The following EXOC4 variants were observed in gnomAD, a reference collection of about 807,000 sequenced individuals.
EXOC4 encodes the protein SEC8-like 1.
EXOC4 carries 71 observed loss-of-function variants against 107.2 expected under a neutral mutation model. That is an observed-to-expected ratio of 0.66 (90% confidence interval 0.55 to 0.81). The LOEUF (loss-of-function observed/expected upper bound fraction) is 0.81, where lower values mean the gene tolerates loss of function less well. Among genes scored for constraint, EXOC4 ranks in the 30% least tolerant of loss-of-function variants. The pLI is 0.00. For missense variants in EXOC4, 1,108 were observed against 1,189.6 expected, an observed-to-expected ratio of 0.93 and a Z score of 1.01; for synonymous variants, 456 against 441.2, an observed-to-expected ratio of 1.03 and a Z score of -0.42.
At chr7:133,350,911 A>G (rs1410226073) in intron 5 of EXOC4, among the ~76,000 whole-genome samples, 2 of 152,000 alleles carry the variant, frequency 1.3e-5, no homozygotes, top group Admixed American at 6.6e-5. Context: ...TATATAGCTT[A>G]TATATATTAT....
intron 9 of EXOC4, among the ~76,000 whole-genome samples, chr7:133,616,283 C>T (rs1802193023): frequency 6.6e-6 from 1 of 151,494 alleles, no homozygotes. Context: ...TTTTTTATAC[C>T]CTTTTTATAC....
chr7:133,504,383 T>C (rs190139787), intron 9 of EXOC4, among the ~76,000 whole-genome samples: 1 of 152,208 alleles, frequency 6.6e-6, no homozygotes, highest in Admixed American at 6.5e-5. Flanking sequence ...TTTTTCTCCT[T>C]TAATGTGAAG....
chr7:133,434,840 T>C (rs1197591289), intron 7 of EXOC4, among the ~76,000 whole-genome samples: 1 of 152,196 alleles, frequency 6.6e-6, no homozygotes, highest in Non-Finnish European at 1.5e-5. Context: ...CTTCCTCTTT[T>C]TTGTCTTCAA....
At chr7:133,969,962 G>C (rs1366998783) in intron 14 of EXOC4, among the ~76,000 whole-genome samples, 1 of 152,202 alleles carries the variant, frequency 6.6e-6, no homozygotes. Flanking sequence ...CTTCCCCCAG[G>C]TGCCCTGTCC....
chr7:133,484,515 T>C (rs1259265977), intron 9 of EXOC4, among the ~76,000 whole-genome samples: 1 of 151,922 alleles, frequency 6.6e-6, no homozygotes, highest in Non-Finnish European at 1.5e-5. Flanking sequence ...AGATAATTGA[T>C]GAACACATTA....
intron 9 of EXOC4, among the ~76,000 whole-genome samples, chr7:133,568,970 C>T (rs1257390680): frequency 6.6e-6 from 1 of 152,052 alleles, no homozygotes; most frequent in African/African-American, 2.4e-5. Context: ...TTAAGACTGG[C>T]AGCTTTCTAC....
At chr7:133,725,539 C>G (rs1485691513) in intron 10 of EXOC4, among the ~76,000 whole-genome samples, 10 of 152,088 alleles carry the variant, frequency 6.6e-5, no homozygotes. Flanking sequence ...CCACATCCAG[C>G]TAATTTTTGT....
intron 9 of EXOC4, among the ~76,000 whole-genome samples, chr7:133,621,720 C>G (rs140908124): frequency 6.6e-6 from 1 of 152,154 alleles, no homozygotes; most frequent in Admixed American, 6.5e-5. Flanking sequence ...TTGGAATTTC[C>G]CTTATTTCCT....
chr7:133,630,872 A>G (rs1008577671), intron 10 of EXOC4, among the ~76,000 whole-genome samples: 1 of 152,216 alleles, frequency 6.6e-6, no homozygotes, highest in Non-Finnish European at 1.5e-5. Flanking sequence ...TGCCTCCATT[A>G]AAGAAAAAAT....
At chr7:133,580,241 C>T (rs139003727) in intron 9 of EXOC4, among the ~76,000 whole-genome samples, 6 of 152,228 alleles carry the variant, frequency 3.9e-5, no homozygotes, top group East Asian at 1.9e-4. Flanking sequence ...ACTTACATGG[C>T]GTGTACATTA....
At chr7:133,274,954 A>G (rs756743029) in intron 1 of EXOC4, 28 bp from the exon 2 acceptor site, 2 of 1,487,148 alleles carry the variant, frequency 1.3e-6, no homozygotes, top group East Asian at 4.6e-5. Context: ...AGTTTTACTT[A>G]GCTTGATATA....
intron 10 of EXOC4, among the ~76,000 whole-genome samples, chr7:133,636,351 T>A (rs780717849): frequency 1.3e-5 from 2 of 152,224 alleles, no homozygotes; most frequent in African/African-American, 4.8e-5. Flanking sequence ...TTAAGTTTTG[T>A]GATTCTGTGA....
chr7:133,938,251 A>C lies in EXOC4; in HGVS notation c.2206+182A>C, dbSNP rs564117634. 9.2e-5 allele frequency among the ~76,000 whole-genome samples: 14 copies of C among 152,296 alleles called. No homozygotes were observed. The South Asian group carries it at 2.9e-3, about 32-fold the overall frequency. On this transcript the variant is annotated intron_variant, in intron 14 of 17. Transcript: ENST00000253861. ...ACTTTGTGATTCTGGGAAAGGAACT[A>C]ATCTTGGTTTCCCTGTGTGGAATGT...
At chr7:134,049,716 G>A (rs906184276) in intron 17 of EXOC4, among the ~76,000 whole-genome samples, 3 of 152,220 alleles carry the variant, frequency 2.0e-5, no homozygotes, top group Admixed American at 1.3e-4. Context: ...ACTCTGCATC[G>A]CCAGAGAACA....
Position 133,735,219 on chromosome 7 carries a change from C to CAAAAAAAAAAAA in EXOC4, c.1515-82084_1515-82073dup, listed in dbSNP as rs56769096. ...TGGGTGACAGAGGAAGACTCTGTCT[C>CAAAAAAAAAAAA]AAAAAAAAAAAAAAAAAAAAAAAAA... On this transcript the variant is annotated intron_variant, in intron 10 of 17. Transcript: ENST00000253861. Among the ~76,000 whole-genome samples, 6 of 33,504 alleles carry CAAAAAAAAAAAA rather than the reference C, an allele frequency of 1.8e-4. 1 individual carries two copies. Among genetic ancestry groups the CAAAAAAAAAAAA allele is most frequent in the Non-Finnish European group, 2.9e-4 (6 of 21,036 alleles). 22.0% of individuals were successfully genotyped at this position (33,504 alleles called of 152,430 possible).
chr7:133,754,843 T>C (rs1795865877), intron 10 of EXOC4, among the ~76,000 whole-genome samples: 1 of 152,196 alleles, frequency 6.6e-6, no homozygotes, highest in African/African-American at 2.4e-5. Context: ...AGGGACTAAA[T>C]TGATGCTTTC....
intron 11 of EXOC4, among the ~76,000 whole-genome samples, chr7:133,825,320 A>G (rs1331175630): frequency 1.3e-5 from 2 of 152,160 alleles, no homozygotes; most frequent in Non-Finnish European, 2.9e-5. Flanking sequence ...AGCAATGATC[A>G]TGCCACTGCA....
chr7:133,988,840 G>A (rs1199598576), intron 14 of EXOC4, among the ~76,000 whole-genome samples: 1 of 152,136 alleles, frequency 6.6e-6, no homozygotes, highest in Non-Finnish European at 1.5e-5. Context: ...AGAAAATCTG[G>A]AGGGTTGGAC....
intron 9 of EXOC4, among the ~76,000 whole-genome samples, chr7:133,629,579 C>CA (rs1802539457): frequency 6.7e-6 from 1 of 148,938 alleles, no homozygotes; most frequent in African/African-American, 2.5e-5. Flanking sequence ...CTCGCTCTGT[C>CA]ACCCAGGCTT....
Sources: gnomAD v4.1 joint callset for allele counts (sites outside exome capture counted in the v4.1 genomes callset) on GRCh38, gnomAD v4.1.1 for gene constraint, MANE v1.5 for transcripts, NCBI Gene and HGNC (gene_info 2026-07-23, HGNC 2026-07-21) for gene names.